Variants in PADI6 observed in about 807,000 individuals in gnomAD.
The protein encoded by PADI6 is inactive protein-arginine deiminase type-6.
In PADI6, 66 loss-of-function variants were observed where a neutral mutation model predicts 78.2. That is an observed-to-expected ratio of 0.84 (90% CI 0.69 to 1.04). The LOEUF (loss-of-function observed/expected upper bound fraction) is 1.04. Among genes scored for constraint, PADI6 ranks in the 50% least tolerant of loss-of-function variants. PADI6 has a pLI of 0.00. For missense variants in PADI6, 854 were observed against 866.1 expected (o/e 0.99, Z 0.18); for synonymous variants, 397 against 346.9 (o/e 1.14, Z -1.60).
chr1:17,375,323 A>C, intron 2 of PADI6, 104 bp from the exon 3 acceptor site: 1 of 1,080,466 alleles, frequency 9.3e-7, no homozygotes, highest in Non-Finnish European at 1.4e-6. Context: ...AAGCCATAAC[A>C]CAAGACCAAG....
intron 6 of PADI6, among the ~76,000 whole-genome samples, chr1:17,388,009 A>T (rs2075137957): frequency 6.6e-6 from 1 of 152,216 alleles, no homozygotes. Flanking sequence ...AGCCTGGGAC[A>T]GTTTCTCACC....
chr1:17,374,451 C>T (rs6658538), intron 2 of PADI6, among the ~76,000 whole-genome samples: 27,272 of 151,762 alleles, frequency 0.18, 2,586 homozygotes, highest in Middle Eastern at 0.3. Context: ...CATGGTGAAA[C>T]GCTGTCTCTA....
At chr1:17,400,188 C>T (rs2075287030) in intron 15 of PADI6, among the ~76,000 whole-genome samples, 1 of 146,298 alleles carries the variant, frequency 6.8e-6, no homozygotes, top group African/African-American at 2.6e-5. Flanking sequence ...CAAACCAAGA[C>T]CTTGTCTGAT....
At chr1:17,386,053 G>T (rs1196503091) in intron 6 of PADI6, among the ~76,000 whole-genome samples, 32 of 87,396 alleles carry the variant, frequency 3.7e-4, no homozygotes, top group Middle Eastern at 6.1e-3. Context: ...ATGCCCCCAG[G>T]GTGGGTAGGG....
chr1:17,382,519 G>A (rs970838903), intron 6 of PADI6, among the ~76,000 whole-genome samples: 3 of 152,180 alleles, frequency 2.0e-5, no homozygotes, highest in Admixed American at 2.0e-4. Flanking sequence ...AAAACCTCTA[G>A]AGCGGCAGCC....
intron 9 of PADI6, among the ~76,000 whole-genome samples, chr1:17,393,689 G>T (rs946201797): frequency 6.6e-5 from 10 of 152,130 alleles, no homozygotes; most frequent in African/African-American, 2.4e-4. Context: ...TTCCCAGGCT[G>T]GTCTTGAATT....
intron 14 of PADI6, among the ~76,000 whole-genome samples, chr1:17,397,546 A>T (rs2075258990): frequency 6.6e-6 from 1 of 152,134 alleles, no homozygotes; most frequent in South Asian, 2.1e-4. Context: ...TTACTTTGCT[A>T]TGACTATGCA....
intron 4 of PADI6, 119 bp from the exon 5 acceptor site, chr1:17,380,928 C>G: frequency 1.3e-6 from 1 of 774,490 alleles, no homozygotes; most frequent in Non-Finnish European, 2.1e-6. Context: ...CAGTCCTGTT[C>G]CATGGGTCCC....
chr1:17,398,145 A>C (rs1373558912), intron 14 of PADI6, among the ~76,000 whole-genome samples: 1 of 152,174 alleles, frequency 6.6e-6, no homozygotes, highest in Non-Finnish European at 1.5e-5. Flanking sequence ...CTGGGTCCTT[A>C]ACATTCCCAG....
chr1:17,393,776 T>C (rs555032447), intron 9 of PADI6, among the ~76,000 whole-genome samples, 199 bp from the exon 10 acceptor site: 2 of 152,138 alleles, frequency 1.3e-5, no homozygotes, highest in African/African-American at 2.4e-5. Flanking sequence ...CACCTGGCCA[T>C]GGATGCTCAA....
At chr1:17,398,653 C>CCGGCCGGGGGGGGGGGGGGGGG in intron 14 of PADI6, 33 bp from the exon 15 acceptor site, 1 of 135,092 alleles carries the variant, frequency 7.4e-6, no homozygotes, top group Non-Finnish European at 1.4e-5. Flanking sequence ...CTTGCTCCCC[C>CCGGCCGGGGGGGGGGGGGGGGG]GCCCCCCCCC....
chr1:17,392,138 G>A lies in PADI6; in HGVS notation c.987G>A (p.Val329=), dbSNP rs1187093239. ...LCRELQLQGF[V]DTVTKLSEKS... is the part of the protein sequence containing the mutation. ...GGGAGCTGCAGCTGCAGGGTTTTGT[G>A]GACACAGTGACGAAGCTGAGTGAGA... is the stretch of plus-strand genomic sequence containing the variant. The change falls in exon 9 of 16, where the codon GTG becomes GTA. Residue 329 remains valine (V), a synonymous_variant. Coordinates refer to ENST00000619609, the MANE Select transcript of PADI6 (RefSeq NM_207421.4). 3.2e-6 allele frequency: 5 copies of A among 1,559,780 alleles called. No individual in the cohort carries two copies. The highest frequency in any genetic ancestry group is 4.3e-6 in the Non-Finnish European group (5 of 1,151,840).
At chr1:17,393,329 A>AG (rs1481566711) in intron 9 of PADI6, among the ~76,000 whole-genome samples, 4 of 152,152 alleles carry the variant, frequency 2.6e-5, no homozygotes, top group Non-Finnish European at 4.4e-5. Context: ...GGTTTTCAAA[A>AG]GACCCCTCTG....
At chr1:17,389,243 C>T (rs113807110) in intron 8 of PADI6, among the ~76,000 whole-genome samples, 247 of 152,228 alleles carry the variant, frequency 1.6e-3, no homozygotes, top group African/African-American at 5.6e-3. Flanking sequence ...CAGGAAGGGG[C>T]GGTGTGGGGA....
chr1:17,394,258 T>C, intron 10 of PADI6, 42 bp from the exon 11 acceptor site: 1 of 1,604,104 alleles, frequency 6.2e-7, no homozygotes, highest in African/African-American at 1.3e-5. Context: ...CCTAAAGCCA[T>C]CCCCTACTAA....
At chr1:17,389,535 T>C (rs1230769921) in intron 8 of PADI6, among the ~76,000 whole-genome samples, 1 of 152,192 alleles carries the variant, frequency 6.6e-6, no homozygotes, top group East Asian at 1.9e-4. Context: ...CTGCAACCTA[T>C]GGTTGCTGCT....
intron 15 of PADI6, 25 bp downstream of exon 15, chr1:17,398,872 G>A: frequency 1.2e-6 from 2 of 1,609,476 alleles, no homozygotes; most frequent in South Asian, 1.1e-5. Flanking sequence ...CGCATCCCTG[G>A]GTGGGGGAGG....
In PADI6 at chr1:17,381,093, T is replaced by C. The variant is rs750032912; in HGVS notation, c.482T>C (p.Val161Ala). Residue 161 changes from valine (V) to alanine (A), a missense_variant, in exon 5 of 16, where the codon GTG (valine) becomes GCG (alanine). Val to Ala is a moderately conservative substitution (Grantham distance 64). Transcript: ENST00000619609. ...GPSGWGAILL[V>A]NCNPADVGQQ... is the part of the protein sequence containing the mutation. ...AGCGGTTGGGGTGCCATCCTGCTTG[T>C]GAATTGCAACCCTGCTGATGTGGGC... The C allele has an allele frequency of 1.1e-5, 18 of 1,609,622 alleles. No homozygotes were observed. Among genetic ancestry groups the C allele is most frequent in the Non-Finnish European group, 1.5e-5 (18 of 1,178,238 alleles).
intron 1 of PADI6, 130 bp downstream of exon 1, chr1:17,372,491 T>A: frequency 2.3e-6 from 2 of 873,646 alleles, no homozygotes; most frequent in Non-Finnish European, 3.7e-6. Flanking sequence ...TGGGAAGCCT[T>A]GGGTCTCTAG....
Sources: gnomAD v4.1 joint callset for allele counts (sites outside exome capture counted in the v4.1 genomes callset) on GRCh38, gnomAD v4.1.1 for gene constraint, MANE v1.5 for transcripts, NCBI Gene and HGNC (gene_info 2026-07-23, HGNC 2026-07-21) for gene names.